Variants in FHIT observed in about 807,000 individuals in gnomAD.
The protein encoded by FHIT is bis(5'-adenosyl)-triphosphatase.
Under a neutral mutation model 17.9 loss-of-function variants are expected in FHIT, and 19 were observed. The ratio of observed to expected loss-of-function variants is 1.06; its 90% confidence interval spans 0.74 to 1.56. The LOEUF (loss-of-function observed/expected upper bound fraction) is 1.56. FHIT is among the 40% of genes most tolerant of loss of function. The pLI is 0.00. For synonymous variants in FHIT, 81 were observed against 69.7 expected (o/e 1.16, Z -0.81); for missense variants, 248 against 189.2 (o/e 1.31, Z -1.82).
intron 4 of FHIT, among the ~76,000 whole-genome samples, chr3:60,740,105 C>G (rs1353164805): frequency 6.6e-6 from 1 of 152,154 alleles, no homozygotes; most frequent in African/African-American, 2.4e-5. Context: ...CTACATGTAT[C>G]AAAGTTGCTG....
At chr3:60,918,969 T>C (rs1707145060) in intron 3 of FHIT, among the ~76,000 whole-genome samples, 1 of 152,340 alleles carries the variant, frequency 6.6e-6, no homozygotes, top group South Asian at 2.1e-4. Context: ...ATTTTATTCA[T>C]ATGTAAACTT....
rs532777599 is a variant in FHIT at position 60,276,816 on chromosome 3, G to C, written c.103+260044C>G. ...TGTCACAGGGCAAGAGAGGGAGAAA[G>C]AGAGAGAGTAGAGGAAGTCCCAGCC... On this transcript the variant is annotated intron_variant, in intron 5 of 9. Coordinates refer to ENST00000492590, the MANE Select transcript of FHIT (RefSeq NM_002012.4). 7.2e-5 allele frequency among the ~76,000 whole-genome samples: 11 copies of C among 152,240 alleles called. No individual in the cohort carries two copies. The South Asian group carries it at 2.3e-3, about 32-fold the overall frequency.
intron 3 of FHIT, among the ~76,000 whole-genome samples, chr3:61,023,462 T>C (rs1460344930): frequency 6.6e-6 from 1 of 152,108 alleles, no homozygotes; most frequent in Non-Finnish European, 1.5e-5. Context: ...CAAGCTACCA[T>C]TGACTTTATT....
chr3:59,847,511 T>C (rs139214566), intron 8 of FHIT, among the ~76,000 whole-genome samples: 17 of 152,268 alleles, frequency 1.1e-4, no homozygotes, highest in African/African-American at 3.6e-4. Flanking sequence ...ATTCCTTTAG[T>C]TTTTTTGATC....
chr3:60,937,736 G>A (rs1265004012), intron 3 of FHIT, among the ~76,000 whole-genome samples: 2 of 151,764 alleles, frequency 1.3e-5, no homozygotes, highest in African/African-American at 4.8e-5. Flanking sequence ...GCTAATTTTT[G>A]TATTTTTAGT....
intron 4 of FHIT, among the ~76,000 whole-genome samples, chr3:60,770,566 T>C (rs1700011126): frequency 1.3e-5 from 2 of 152,272 alleles, no homozygotes; most frequent in African/African-American, 4.8e-5. Context: ...GTATAGGCAG[T>C]GAGAAAGGTA....
Position 60,499,415 on chromosome 3 carries a change from G to C in FHIT, c.103+37445C>G, listed in dbSNP as rs574059847. Among the ~76,000 whole-genome samples the C allele has an allele frequency of 1.7e-3, 253 of 152,086 alleles. 1 individual carries two copies. Among genetic ancestry groups the C allele is most frequent in the African/African-American group, 5.7e-3 (236 of 41,482 alleles). ...CCACAGGTCTTCGTGTTTTTGAAAC[G>C]GAGTCTCGCTCTGTCGCCCAGGCTG... On this transcript the variant is annotated intron_variant, in intron 5 of 9. Coordinates refer to ENST00000492590, the MANE Select transcript of FHIT (RefSeq NM_002012.4).
chr3:59,796,153 T>C (rs1384216454), intron 8 of FHIT, among the ~76,000 whole-genome samples: 3 of 152,194 alleles, frequency 2.0e-5, no homozygotes, highest in Admixed American at 1.3e-4. Context: ...TGGGTAGATA[T>C]TGTTGAGGCA....
chr3:60,991,328 A>T (rs1045738403), intron 3 of FHIT, among the ~76,000 whole-genome samples: 5 of 152,196 alleles, frequency 3.3e-5, no homozygotes, highest in African/African-American at 1.2e-4. Context: ...GGATGAGGTC[A>T]GGGAGTGGGG....
intron 5 of FHIT, among the ~76,000 whole-genome samples, chr3:60,150,925 A>G (rs1182542227): frequency 6.6e-6 from 1 of 152,120 alleles, no homozygotes; most frequent in Non-Finnish European, 1.5e-5. Flanking sequence ...CCTCAAAAAA[A>G]AAAAAAGGAT....
intron 4 of FHIT, among the ~76,000 whole-genome samples, chr3:60,781,499 G>A (rs1700388073): frequency 6.6e-6 from 1 of 152,080 alleles, no homozygotes; most frequent in South Asian, 2.1e-4. Flanking sequence ...AAATAGAAAA[G>A]GGAGAAATAA....
At chr3:60,857,177 AG>A (rs1396944938) in intron 3 of FHIT, among the ~76,000 whole-genome samples, 1 of 152,088 alleles carries the variant, frequency 6.6e-6, no homozygotes, top group African/African-American at 2.4e-5. Context: ...CCATCTTGGG[AG>A]GGGGGATTCT....
intron 4 of FHIT, among the ~76,000 whole-genome samples, chr3:60,641,623 G>C (rs1253071222): frequency 1.3e-5 from 2 of 152,110 alleles, no homozygotes; most frequent in African/African-American, 4.8e-5. Flanking sequence ...TCCAGAGACT[G>C]ATCTACTTTG....
At chr3:60,772,783 G>A (rs1700088889) in intron 4 of FHIT, among the ~76,000 whole-genome samples, 1 of 152,072 alleles carries the variant, frequency 6.6e-6, no homozygotes, top group Non-Finnish European at 1.5e-5. Context: ...TTGTAGATTG[G>A]CCTTTTGAGA....
rs549376037 is a variant in FHIT at position 60,527,457 on chromosome 3, A to C, written c.103+9403T>G. On this transcript the variant is annotated intron_variant, in intron 5 of 9. Coordinates refer to ENST00000492590, the MANE Select transcript of FHIT (RefSeq NM_002012.4). Reference sequence around the variant, plus strand: ...AGTTCTTGATAACTTCAGGCATTTCAAAACCTATCAGAAAGGAGAAAAATT... The same window carrying C: ...AGTTCTTGATAACTTCAGGCATTTCCAAACCTATCAGAAAGGAGAAAAATT... Among the ~76,000 whole-genome samples, 5 of 152,348 alleles carry C rather than the reference A, an allele frequency of 3.3e-5. No homozygotes were observed. The East Asian group carries it at 9.6e-4, about 29-fold the overall frequency.
At chr3:60,043,319 C>A (rs906135182) in intron 5 of FHIT, among the ~76,000 whole-genome samples, 1 of 152,210 alleles carries the variant, frequency 6.6e-6, no homozygotes, top group Non-Finnish European at 1.5e-5. Flanking sequence ...ATAATGATGA[C>A]AAACTATTCT....
At chr3:60,699,971 A>T (rs1437104536) in intron 4 of FHIT, among the ~76,000 whole-genome samples, 3 of 151,824 alleles carry the variant, frequency 2.0e-5, no homozygotes, top group Non-Finnish European at 4.4e-5. Context: ...CTGGTGAAAA[A>T]ATACAAAAAA....
chr3:60,784,063 T>C (rs570520095), intron 4 of FHIT, among the ~76,000 whole-genome samples: 8 of 152,306 alleles, frequency 5.3e-5, no homozygotes, highest in Admixed American at 3.3e-4. Context: ...GTCCCAGTGG[T>C]TGTTATGAAT....
At chr3:60,973,351 C>T (rs554331589) in intron 3 of FHIT, among the ~76,000 whole-genome samples, 1 of 152,266 alleles carries the variant, frequency 6.6e-6, no homozygotes, top group Admixed American at 6.5e-5. Context: ...CTCTGTGAGA[C>T]ACTGAGACTG....
Sources: allele counts gnomAD v4.1 joint callset (sites outside exome capture counted in the v4.1 genomes callset), GRCh38; gene constraint gnomAD v4.1.1; transcripts MANE v1.5; gene names NCBI Gene and HGNC (gene_info 2026-07-23, HGNC 2026-07-21).